The following DNAI4 variants were observed in gnomAD, a reference collection of about 807,000 sequenced individuals.
The protein encoded by DNAI4 is dynein axonemal intermediate chain 4.
In DNAI4, 85 loss-of-function variants were observed where a neutral mutation model predicts 105.8. That is an observed-to-expected ratio of 0.80 (90% CI 0.67 to 0.96). The LOEUF is 0.96. Among genes scored for constraint, DNAI4 ranks in the 40% least tolerant of loss-of-function variants. DNAI4 has a pLI of 0.00. For missense variants in DNAI4, 1,014 were observed against 1,005.6 expected (o/e 1.01, Z -0.11); for synonymous variants, 352 against 331.5 (o/e 1.06, Z -0.67).
rs1007351744 is a variant in DNAI4, at chr1:66,863,052, T to C, written c.941-750A>G. Among the ~76,000 whole-genome samples the C allele has an allele frequency of 6.6e-5, 10 of 152,326 alleles. 2 individuals carry two copies. The highest frequency in any genetic ancestry group is 3.9e-4 in the Admixed American group (6 of 15,298). Reference sequence around the variant, plus strand: ...TCAAGAAGCTTGTATAGTAGTACGGTTATTATCGTCTCTTTTAAAATTATA... The same window carrying C: ...TCAAGAAGCTTGTATAGTAGTACGGCTATTATCGTCTCTTTTAAAATTATA... On this transcript the variant is annotated intron_variant, in intron 6 of 16. Coordinates refer to ENST00000371026, the MANE Select transcript of DNAI4 (RefSeq NM_024763.5).
intron 13 of DNAI4, among the ~76,000 whole-genome samples, chr1:66,833,021 G>A (rs900694928): frequency 7.9e-5 from 12 of 152,010 alleles, no homozygotes; most frequent in African/African-American, 2.9e-4. Flanking sequence ...AGTGGCCAAG[G>A]GGGGCAGGGA....
intron 4 of DNAI4, among the ~76,000 whole-genome samples, chr1:66,886,505 T>C (rs1647204942): frequency 1.3e-5 from 2 of 152,236 alleles, no homozygotes; most frequent in South Asian, 4.1e-4. Flanking sequence ...GTGTTTAATG[T>C]TGTTTTAGCT....
intron 5 of DNAI4, among the ~76,000 whole-genome samples, chr1:66,873,471 A>C (rs1248095556): frequency 6.6e-6 from 1 of 152,128 alleles, no homozygotes; most frequent in Non-Finnish European, 1.5e-5. Flanking sequence ...AGGCTGGTAC[A>C]AACTCCTGGG....
chr1:66,894,263 A>G (rs1279653272), intron 2 of DNAI4, among the ~76,000 whole-genome samples: 4 of 152,180 alleles, frequency 2.6e-5, no homozygotes, highest in African/African-American at 9.6e-5. Context: ...CAAAATGTGG[A>G]GGCAGAAAAC....
intron 7 of DNAI4, among the ~76,000 whole-genome samples, chr1:66,859,037 G>T (rs1646566906): frequency 6.6e-6 from 1 of 151,794 alleles, no homozygotes; most frequent in South Asian, 2.1e-4. Context: ...GAAAAACCCT[G>T]CTAATAAAAA....
intron 13 of DNAI4, among the ~76,000 whole-genome samples, chr1:66,831,858 T>C (rs143789362): frequency 7.9e-5 from 12 of 152,286 alleles, no homozygotes; most frequent in African/African-American, 2.6e-4. Context: ...CATATGATCA[T>C]CTTGAATTCC....
At chr1:66,831,132 A>T (rs1285651409) in intron 13 of DNAI4, among the ~76,000 whole-genome samples, 1 of 151,992 alleles carries the variant, frequency 6.6e-6, no homozygotes, top group African/African-American at 2.4e-5. Flanking sequence ...TCAAGAAGCA[A>T]TAGATAACCA....
At chr1:66,904,581 T>C (rs893259739) in intron 2 of DNAI4, among the ~76,000 whole-genome samples, 1 of 152,166 alleles carries the variant, frequency 6.6e-6, no homozygotes, top group East Asian at 1.9e-4. Context: ...TTATAAATAT[T>C]TTATCAAAAT....
chr1:66,827,104 T>C (rs193019543), intron 14 of DNAI4, 58 bp from the exon 15 acceptor site: 634 of 1,414,566 alleles, frequency 4.5e-4, no homozygotes, highest in Non-Finnish European at 5.6e-4. Context: ...TATTTTAAAC[T>C]TGACCAGCAA....
intron 5 of DNAI4, among the ~76,000 whole-genome samples, chr1:66,872,995 G>A (rs1353858542): frequency 6.6e-6 from 1 of 152,158 alleles, no homozygotes; most frequent in Non-Finnish European, 1.5e-5. Flanking sequence ...TTAAAGGCTT[G>A]AGCTACCACA....
intron 16 of DNAI4, among the ~76,000 whole-genome samples, chr1:66,815,824 G>A (rs143142157): frequency 1.3e-4 from 20 of 152,334 alleles, no homozygotes; most frequent in Non-Finnish European, 2.6e-4. Context: ...ACATCATAAA[G>A]TTACAATTGG....
intron 1 of DNAI4, among the ~76,000 whole-genome samples, chr1:66,923,370 G>A (rs866672151): frequency 1.3e-5 from 2 of 152,150 alleles, no homozygotes; most frequent in African/African-American, 4.8e-5. Flanking sequence ...TTTGCAAAAT[G>A]CTGAAATTGG....
At chr1:66,860,790 T>C (rs1486737543) in intron 7 of DNAI4, 1 of 152,162 alleles carries the variant, frequency 6.6e-6, no homozygotes, top group Non-Finnish European at 1.5e-5. Context: ...TAATTTCCAG[T>C]CTAAGATTGG....
chr1:66,837,639 T>A, intron 10 of DNAI4, 71 bp downstream of exon 10: 1 of 1,429,124 alleles, frequency 7.0e-7, no homozygotes, highest in Non-Finnish European at 9.6e-7. Context: ...AATTATTACA[T>A]GTAATTATAT....
At chr1:66,921,806 A>G (rs1275023776) in intron 1 of DNAI4, among the ~76,000 whole-genome samples, 6 of 152,186 alleles carry the variant, frequency 3.9e-5, no homozygotes, top group Non-Finnish European at 1.5e-5. Flanking sequence ...TGGATACAGT[A>G]GTGAACAAAA....
rs527477275 is a variant in DNAI4 at position 66,895,043 on chromosome 1, T to G, written c.346-1630A>C. Among the ~76,000 whole-genome samples the G allele has an allele frequency of 2.6e-5, 4 of 152,362 alleles. No individual in the cohort carries two copies. The South Asian group carries it at 6.2e-4, about 24-fold the overall frequency. ...TTTGCTCTGCACAAATATGTCTATA[T>G]CTCCTTTTGTTTTGGTCCTCTTTAA... On this transcript the variant is annotated intron_variant, in intron 2 of 16. Transcript: ENST00000371026.
Position 66,891,181 on chromosome 1 carries a change from T to C in DNAI4, c.616A>G (p.Lys206Glu). The change falls in exon 4 of 17, where the codon AAA (lysine) becomes GAA (glutamate). Residue 206 changes from lysine to glutamate, a missense_variant. Coordinates refer to ENST00000371026, the MANE Select transcript of DNAI4 (RefSeq NM_024763.5). ...IAEDLEEPSY[K>E]RERLTSFTDL... ...GTGAAACTAGTCAATCTTTCCCGTT[T>C]ATAGGATGGTTCTTCCAGGTCTTCT... The C allele has an allele frequency of 1.2e-6, 2 of 1,613,718 alleles. No individual in the cohort carries two copies. The highest frequency in any genetic ancestry group is 1.7e-6 in the Non-Finnish European group (2 of 1,179,714).
chr1:66,848,275 CCTT>C (rs763899982), intron 7 of DNAI4: 1 of 456,152 alleles, frequency 2.2e-6, no homozygotes, highest in Non-Finnish European at 4.4e-6. Flanking sequence ...TTCCCGCTGA[CCTT>C]CTTCTGTCAT....
rs1557904292 is a variant in DNAI4, at chr1:66,833,588, G to T, written c.2010C>A (p.Pro670=). ...AAATAAGAGTGAAATAATTTACCTT[G>T]GGATGAAAAGCAAAACACATTCCAG... ...QAPGMCFAFH[P]KDTNIYLAGT... is the part of the protein sequence containing the mutation. Residue 670 remains proline, a synonymous_variant, in exon 13 of 17, where the codon CCC becomes CCA. Coordinates refer to ENST00000371026, the MANE Select transcript of DNAI4 (RefSeq NM_024763.5). The T allele has an allele frequency of 1.2e-6, 2 of 1,612,322 alleles. No individual in the cohort carries two copies. Among genetic ancestry groups the T allele is most frequent in the Non-Finnish European group, 1.7e-6 (2 of 1,179,208 alleles).
Sources: allele counts gnomAD v4.1 joint callset (sites outside exome capture counted in the v4.1 genomes callset), GRCh38; gene constraint gnomAD v4.1.1; transcripts MANE v1.5; gene names NCBI Gene and HGNC (gene_info 2026-07-23, HGNC 2026-07-21).